Variants in CIBAR1 observed in about 807,000 individuals in gnomAD.
CIBAR1 encodes CBY1-interacting BAR domain-containing protein 1.
In CIBAR1, 25 loss-of-function variants were observed where a neutral mutation model predicts 44.0. That is an observed-to-expected ratio of 0.57 (90% CI 0.41 to 0.79). CIBAR1 has a LOEUF of 0.79. CIBAR1 is among the 30% of genes least tolerant of loss of function. CIBAR1 has a pLI of 0.00. For missense variants in CIBAR1, 278 were observed against 344.8 expected (o/e 0.81, Z 1.53); for synonymous variants, 115 against 119.0 (o/e 0.97, Z 0.22).
At chr8:93,704,789 A>G in intron 3 of CIBAR1, 120 bp from the exon 4 acceptor site, 1 of 591,722 alleles carries the variant, frequency 1.7e-6, no homozygotes, top group East Asian at 2.8e-5. Flanking sequence ...TAATGGTACC[A>G]GGATCACACA....
intron 7 of CIBAR1, among the ~76,000 whole-genome samples, chr8:93,722,779 A>C (rs34309674): frequency 0.11 from 16,833 of 151,642 alleles, 1,011 homozygotes; most frequent in Middle Eastern, 0.13. Context: ...CTCTTAGAAG[A>C]GATCTTGGAC....
In CIBAR1 at chr8:93,717,488, T is replaced by C. The variant is rs535839200; in HGVS notation, c.544-1187T>C. 5.3e-5 allele frequency among the ~76,000 whole-genome samples: 8 copies of C among 152,318 alleles called. No individual in the cohort carries two copies. The East Asian group carries it at 1.5e-3, about 29-fold the overall frequency. On this transcript the variant is annotated intron_variant, in intron 6 of 8. Transcript: ENST00000518322. Reference sequence around the variant, plus strand: ...CATTGTGAATCATCGTTACAAGTCTTTTTTACCTAGGCCCTGTCCTCTCAG... The same window carrying C: ...CATTGTGAATCATCGTTACAAGTCTCTTTTACCTAGGCCCTGTCCTCTCAG...
intron 7 of CIBAR1, among the ~76,000 whole-genome samples, chr8:93,723,668 G>A (rs779975028): frequency 5.3e-5 from 8 of 152,044 alleles, no homozygotes; most frequent in African/African-American, 9.7e-5. Flanking sequence ...ACAGGGCTCC[G>A]TTGGTCTAGA....
intron 8 of CIBAR1, 73 bp from the exon 9 acceptor site, chr8:93,728,131 TA>T: frequency 4.3e-6 from 4 of 926,872 alleles, no homozygotes; most frequent in Non-Finnish European, 6.1e-6. Flanking sequence ...TTTAATAGCA[TA>T]AAAATATACC....
At chr8:93,705,937 G>A (rs1432744570) in intron 4 of CIBAR1, 1 of 150,564 alleles carries the variant, frequency 6.6e-6, no homozygotes, top group African/African-American at 2.4e-5. Flanking sequence ...AAAACAAAGC[G>A]AGACTATCTC....
In CIBAR1 at chr8:93,725,918, G is replaced by C. The variant is rs570648026; in HGVS notation, c.658-476G>C. On this transcript the variant is annotated intron_variant, in intron 7 of 8. Coordinates refer to ENST00000518322, the MANE Select transcript of CIBAR1 (RefSeq NM_145269.5). ...TTGGAAATAGTGCCTTAAGGAAAGA[G>C]AACTGACAAGTCATGGCATTCCAGA... The C allele has an allele frequency of 8.0e-4, 125 of 155,788 alleles. 2 individuals carry two copies. The highest frequency in any genetic ancestry group is 1.0e-3 in the Admixed American group (16 of 15,652). 9.7% of individuals were successfully genotyped at this position (155,788 alleles called of 1,614,324 possible).
In CIBAR1 at chr8:93,704,921, G is replaced by A; in HGVS notation, c.343G>A (p.Ala115Thr). The change falls in exon 4 of 9, where the codon GCA becomes ACA. Residue 115 changes from alanine to threonine, a missense_variant. By Grantham distance (58) the Ala-to-Thr change is moderately conservative. This residue lies in a region of CIBAR1 where 183 missense variants were observed against 218.6 expected (regional missense o/e 0.84). Transcript: ENST00000518322. The part of the protein sequence containing the change: ...IVKMKRDDLK[A>T]TLTARNREAK... ...TGCCAATTTGCAGGATGACCTCAAA[G>A]CAACACTCACAGCAAGGAATCGAGA... The A allele has an allele frequency of 6.2e-7, 1 of 1,602,772 alleles. No homozygotes were observed. The highest frequency in any genetic ancestry group is 8.5e-7 in the Non-Finnish European group (1 of 1,175,788).
intron 6 of CIBAR1, among the ~76,000 whole-genome samples, chr8:93,717,965 G>T (rs1416324792): frequency 6.6e-6 from 1 of 152,052 alleles, no homozygotes; most frequent in East Asian, 1.9e-4. Flanking sequence ...GCTTATAGAG[G>T]TTACCTGCAC....
chr8:93,727,629 A>G (rs992223818), intron 8 of CIBAR1, among the ~76,000 whole-genome samples: 1 of 152,238 alleles, frequency 6.6e-6, no homozygotes, highest in African/African-American at 2.4e-5. Flanking sequence ...AGTAGCACAC[A>G]TAAACACACA....
chr8:93,712,548 G>T (rs1478216684), intron 6 of CIBAR1, among the ~76,000 whole-genome samples: 2 of 152,018 alleles, frequency 1.3e-5, no homozygotes, highest in Non-Finnish European at 2.9e-5. Context: ...ATTTCTTTTG[G>T]ATATATACCC....
chr8:93,712,807 CT>C (rs34273549), intron 6 of CIBAR1, among the ~76,000 whole-genome samples: 44 of 137,072 alleles, frequency 3.2e-4, no homozygotes, highest in East Asian at 4.2e-4. Flanking sequence ...CATGATGATG[CT>C]TTTTTTTTTT....
chr8:93,703,382 A>G (rs530951107), intron 2 of CIBAR1, among the ~76,000 whole-genome samples: 262 of 152,348 alleles, frequency 1.7e-3, no homozygotes, highest in African/African-American at 6.1e-3. Context: ...ACTTTAAGGT[A>G]AAAAAGTAAT....
Position 93,702,162 on chromosome 8 carries a change from CA to C in CIBAR1, c.261+705del, listed in dbSNP as rs558395435. The C allele has an allele frequency of 1.6e-3, 621 of 378,192 alleles. 7 individuals are homozygous for C. The highest frequency in any genetic ancestry group is 9.2e-3 in the South Asian group (447 of 48,610). 23.4% of individuals were successfully genotyped at this position (378,192 alleles called of 1,614,324 possible). ...AACTGCGTTGCTTTTTTATACTTTT[CA>C]GAACCTAAAACGGGAATTTCAATTT... On this transcript the variant is annotated intron_variant, in intron 2 of 8. Coordinates refer to ENST00000518322, the MANE Select transcript of CIBAR1 (RefSeq NM_145269.5).
At chr8:93,704,809 C>T (rs929887710) in intron 3 of CIBAR1, 100 bp from the exon 4 acceptor site, 1 of 658,610 alleles carries the variant, frequency 1.5e-6, no homozygotes, top group African/African-American at 1.8e-5. Context: ...AAGAAGTATT[C>T]TTCCATTCTT....
At position 93,700,625 on chromosome 8, in the gene CIBAR1, T is replaced by C; in HGVS notation, c.-23T>C. On this transcript the variant is annotated 5_prime_UTR_variant, in exon 1 of 9. Coordinates refer to ENST00000518322, the MANE Select transcript of CIBAR1 (RefSeq NM_145269.5). ...TCCCCGTCCTTGGGCCCCCGCAAGGTCCCCGGCCGTGCGCGAGGCAGCATG... is the reference window on the plus strand; with the variant it reads ...TCCCCGTCCTTGGGCCCCCGCAAGGCCCCCGGCCGTGCGCGAGGCAGCATG... 6.7e-7 allele frequency: 1 copy of C among 1,497,020 alleles called. No individual in the cohort carries two copies. Among genetic ancestry groups the C allele is most frequent in the Non-Finnish European group, 8.9e-7 (1 of 1,124,396 alleles). 92.7% of individuals were successfully genotyped at this position (1,497,020 alleles called of 1,614,324 possible). A position where few individuals can be genotyped will look rare whatever the true frequency, so the allele number is the denominator to read the frequency against.
intron 1 of CIBAR1, chr8:93,701,017 G>T (rs1484269003): frequency 9.1e-6 from 13 of 1,427,724 alleles, no homozygotes; most frequent in Non-Finnish European, 1.1e-5. Context: ...GGCCCACCCG[G>T]CCTGGGCCTT....
At chr8:93,721,661 T>C (rs1811268287) in intron 7 of CIBAR1, among the ~76,000 whole-genome samples, 1 of 152,232 alleles carries the variant, frequency 6.6e-6, no homozygotes, top group Admixed American at 6.5e-5. Flanking sequence ...GTTCAACAAC[T>C]GTTTATTGAG....
rs148452891 is a variant in CIBAR1 at position 93,707,008 on chromosome 8, C to G, written c.433-1003C>G. Among the ~76,000 whole-genome samples the G allele has an allele frequency of 7.2e-3, 1,092 of 152,302 alleles. 14 individuals carry two copies. Among genetic ancestry groups the G allele is most frequent in the Non-Finnish European group, 0.012 (843 of 68,026 alleles). ...TCCCATGGCTCTGCCTGCTCACCCCCCAAGTAGGGCTCCAGGTGACTCCTG... is the reference window on the plus strand; with the variant it reads ...TCCCATGGCTCTGCCTGCTCACCCCGCAAGTAGGGCTCCAGGTGACTCCTG... On this transcript the variant is annotated intron_variant, in intron 4 of 8. Transcript: ENST00000518322.
At chr8:93,727,752 A>C (rs1811591599) in intron 8 of CIBAR1, among the ~76,000 whole-genome samples, 1 of 152,220 alleles carries the variant, frequency 6.6e-6, no homozygotes, top group Non-Finnish European at 1.5e-5. Context: ...GGCGGCAGTC[A>C]GGCAACTTAA....
Sources: allele counts gnomAD v4.1 joint callset (sites outside exome capture counted in the v4.1 genomes callset), GRCh38; gene constraint gnomAD v4.1.1; regional missense constraint gnomAD v4.1.1; transcripts MANE v1.5; gene names NCBI Gene and HGNC (gene_info 2026-07-23, HGNC 2026-07-21).